The following DMD variants were observed in gnomAD, a reference collection of about 807,000 sequenced individuals.
DMD encodes dystrophin.
In DMD, 63 loss-of-function variants were observed where a neutral mutation model predicts 330.1. That is an observed-to-expected ratio of 0.19 (90% CI 0.16 to 0.24). The LOEUF is 0.24. Among genes scored for constraint, DMD ranks in the 10% least tolerant of loss-of-function variants. The probability of loss-of-function intolerance (pLI) is 1.00; values close to 1 mark genes in which losing one functional copy is unlikely to be tolerated. For missense variants in DMD, 3,344 were observed against 2,684.1 expected (o/e 1.25, Z -5.43); for synonymous variants, 1,223 against 959.8 (o/e 1.27, Z -5.07).
At chrX:31,396,561 T>G (rs1416434444) in intron 60 of DMD, among the ~76,000 whole-genome samples, 10 of 97,952 alleles carry the variant, frequency 1.0e-4, no homozygotes, top group East Asian at 3.1e-4. Flanking sequence ...TTTTTTTTTT[T>G]TTTTTTTTTT....
In DMD at chrX:32,565,323, C is replaced by T. The variant is rs776610600; in HGVS notation, c.1992+379G>A. On this transcript the variant is annotated intron_variant, in intron 16 of 78. Transcript: ENST00000357033. ...TTCTCTTGAAAAATTTACTTTTCTT[C>T]CCTAAGTTTCATTTTTCTCAAGAGT... 4.5e-5 allele frequency among the ~76,000 whole-genome samples: 5 copies of T among 111,895 alleles called. No homozygotes were observed. The South Asian group carries it at 1.5e-3, about 33-fold the overall frequency.
chrX:31,185,952 A>C (rs1448599996), intron 67 of DMD, among the ~76,000 whole-genome samples: 4 of 111,992 alleles, frequency 3.6e-5, no homozygotes, highest in Non-Finnish European at 5.6e-5. Flanking sequence ...ACATGGGAAT[A>C]CTTAGTATCA....
chrX:31,814,482 C>CAAA (rs151208391), intron 50 of DMD, among the ~76,000 whole-genome samples: 339 of 28,998 alleles, frequency 0.012, 46 homozygotes, highest in African/African-American at 0.014. Flanking sequence ...GACTCCGTCT[C>CAAA]AAAAAAAAAA....
At chrX:32,559,493 T>C (rs934516134) in intron 16 of DMD, among the ~76,000 whole-genome samples, 1 of 111,842 alleles carries the variant, frequency 8.9e-6, no homozygotes, top group African/African-American at 3.3e-5. Flanking sequence ...CCTTAGAGTA[T>C]TTTTAATTAA....
intron 2 of DMD, among the ~76,000 whole-genome samples, chrX:32,933,753 A>T (rs2089778912): frequency 8.9e-6 from 1 of 112,006 alleles, no homozygotes; most frequent in African/African-American, 3.2e-5. Flanking sequence ...CGACAACTGA[A>T]GCAGCTGAAA....
chrX:32,449,607 G>A (rs2098321450), intron 26 of DMD, among the ~76,000 whole-genome samples: 1 of 98,375 alleles, frequency 1.0e-5, no homozygotes, highest in East Asian at 3.2e-4. Context: ...TCATCCACAC[G>A]CACCCCCTGG....
chrX:32,323,085 G>C (rs2097628156), intron 41 of DMD, among the ~76,000 whole-genome samples: 1 of 111,898 alleles, frequency 8.9e-6, no homozygotes, highest in South Asian at 3.6e-4. Context: ...GGATGGCTGT[G>C]TCTGCACTGA....
chrX:32,257,278 G>A (rs1387038124), intron 43 of DMD, among the ~76,000 whole-genome samples: 1 of 111,897 alleles, frequency 8.9e-6, no homozygotes, highest in African/African-American at 3.3e-5. Context: ...TCCCCAACAG[G>A]CTACCACTGA....
At chrX:32,393,512 AAGGAAATTCATAGGG>A (rs1242755271) in intron 30 of DMD, among the ~76,000 whole-genome samples, 1 of 112,013 alleles carries the variant, frequency 8.9e-6, no homozygotes, top group Non-Finnish European at 1.9e-5. Context: ...TCCGATAACT[AAGGAAATTCATAGGG>A]AGGAAATGCG....
chrX:31,530,647 C>CTTTTTTTTTTTTTTTTTT (rs1192286078), intron 55 of DMD, among the ~76,000 whole-genome samples: 7 of 49,814 alleles, frequency 1.4e-4, no homozygotes, highest in Non-Finnish European at 2.5e-4. Context: ...ACTGGTTTCT[C>CTTTTTTTTTTTTTTTTTT]TTTTTTTTTT....
intron 61 of DMD, among the ~76,000 whole-genome samples, chrX:31,347,001 C>CAAAAAAAAAAAAA (rs1225596180): frequency 2.1e-4 from 2 of 9,615 alleles, no homozygotes; most frequent in Non-Finnish European, 3.3e-4. Context: ...GGCTCCCTCT[C>CAAAAAAAAAAAAA]AAAAAAAAAA....
chrX:33,228,224 G>C (rs1318108187), intron 1 of DMD, among the ~76,000 whole-genome samples: 1 of 109,369 alleles, frequency 9.1e-6, no homozygotes, highest in Non-Finnish European at 1.9e-5. Flanking sequence ...TTGGAATATT[G>C]AGAAGTATGA....
At chrX:31,293,303 G>A (rs1486690639) in intron 62 of DMD, among the ~76,000 whole-genome samples, 2 of 105,412 alleles carry the variant, frequency 1.9e-5, no homozygotes, top group Non-Finnish European at 3.9e-5. Context: ...GGCGAACATA[G>A]GTGTATTCAT....
intron 62 of DMD, among the ~76,000 whole-genome samples, chrX:31,302,679 A>C (rs914820178): frequency 9.0e-6 from 1 of 111,332 alleles, no homozygotes; most frequent in Admixed American, 9.6e-5. Context: ...ATGCAATTGC[A>C]ATACAAACAC....
At chrX:31,988,246 G>A (rs1230568963) in intron 44 of DMD, among the ~76,000 whole-genome samples, 6 of 110,054 alleles carry the variant, frequency 5.5e-5, no homozygotes, top group Non-Finnish European at 9.5e-5. Context: ...GCCAAGGTGG[G>A]TGGATCATGA....
At position 31,327,891 on chromosome X, in the gene DMD, G is replaced by C. The variant is rs184693437; in HGVS notation, c.9164-4233C>G. 2.7e-5 allele frequency among the ~76,000 whole-genome samples: 3 copies of C among 112,458 alleles called. No individual in the cohort carries two copies. The East Asian group carries it at 8.3e-4, about 31-fold the overall frequency. ...ATTGCTAAGTAGTATGCCATTATATGGGTGTACTACAGCTTAGTTATCCAT... is the reference window on the plus strand; with the variant it reads ...ATTGCTAAGTAGTATGCCATTATATCGGTGTACTACAGCTTAGTTATCCAT... On this transcript the variant is annotated intron_variant, in intron 61 of 78. Coordinates refer to ENST00000357033, the MANE Select transcript of DMD (RefSeq NM_004006.3).
chrX:31,636,924 G>A (rs754265207), intron 54 of DMD, among the ~76,000 whole-genome samples: 1 of 111,679 alleles, frequency 9.0e-6, no homozygotes, highest in African/African-American at 3.2e-5. Flanking sequence ...ATTATACAAA[G>A]TTATAGTACA....
At chrX:32,660,157 T>C (rs988041702) in intron 9 of DMD, among the ~76,000 whole-genome samples, 4 of 111,149 alleles carry the variant, frequency 3.6e-5, no homozygotes, top group Non-Finnish European at 7.6e-5. Flanking sequence ...GTAAGTCTTT[T>C]GCATTTCAGA....
intron 41 of DMD, among the ~76,000 whole-genome samples, chrX:32,327,503 G>A (rs947401907): frequency 2.7e-5 from 3 of 110,910 alleles, no homozygotes; most frequent in Non-Finnish European, 5.7e-5. Context: ...AATATATTTT[G>A]CCAGGTTATA....
Sources: gnomAD v4.1 joint callset for allele counts (sites outside exome capture counted in the v4.1 genomes callset) on GRCh38, gnomAD v4.1.1 for gene constraint, MANE v1.5 for transcripts, NCBI Gene and HGNC (gene_info 2026-07-23, HGNC 2026-07-21) for gene names.